Variants in PSAP observed in about 807,000 individuals in gnomAD.
The protein encoded by PSAP is precursor of saposins.
PSAP carries 25 observed loss-of-function variants against 66.0 expected under a neutral mutation model. The observed-to-expected ratio is 0.38, with a 90% confidence interval of 0.28 to 0.53. The LOEUF (loss-of-function observed/expected upper bound fraction) is 0.53. Among genes scored for constraint, PSAP ranks in the 20% least tolerant of loss-of-function variants. PSAP has a pLI of 0.83. For missense variants in PSAP, 649 were observed against 668.8 expected, an observed-to-expected ratio of 0.97 and a Z score of 0.33; for synonymous variants, 273 against 258.9, an observed-to-expected ratio of 1.05 and a Z score of -0.52.
At chr10:71,829,526 C>G (rs551957463) in intron 4 of PSAP, among the ~76,000 whole-genome samples, 1 of 152,198 alleles carries the variant, frequency 6.6e-6, no homozygotes, top group African/African-American at 2.4e-5. Context: ...TGGCTTTGCT[C>G]CTCCTTCACC....
chr10:71,837,343 C>A (rs1255730411), intron 1 of PSAP, among the ~76,000 whole-genome samples: 1 of 152,224 alleles, frequency 6.6e-6, no homozygotes, highest in Non-Finnish European at 1.5e-5. Context: ...GAGCTCCCAG[C>A]CGCCAAGAGG....
intron 13 of PSAP, 105 bp from the exon 14 acceptor site, chr10:71,817,581 C>G (rs1842197052): frequency 9.1e-7 from 1 of 1,101,050 alleles, no homozygotes; most frequent in African/African-American, 1.5e-5. Context: ...TTCTCTTGTC[C>G]TAGGTCAGCT....
intron 1 of PSAP, among the ~76,000 whole-genome samples, chr10:71,843,889 A>T (rs1183285862): frequency 6.6e-6 from 1 of 152,232 alleles, no homozygotes; most frequent in East Asian, 1.9e-4. Context: ...TACCATGGTT[A>T]TACAACACGT....
In PSAP at chr10:71,845,444, C is replaced by T. The variant is rs577861737; in HGVS notation, c.40+5738G>A. On this transcript the variant is annotated intron_variant, in intron 1 of 13. Transcript: ENST00000394936. ...AAATGTTTCACAATTTAAGGAGCAA[C>T]AAGCAAAACAGTCAGTAGAATATAC... 1.2e-4 allele frequency among the ~76,000 whole-genome samples: 19 copies of T among 152,198 alleles called. No individual in the cohort carries two copies. The South Asian group carries it at 3.9e-3, about 32-fold the overall frequency.
At chr10:71,833,760 C>A (rs117569495) in intron 2 of PSAP, among the ~76,000 whole-genome samples, 7,647 of 152,222 alleles carry the variant, frequency 0.05, 239 homozygotes, top group Admixed American at 0.1. Flanking sequence ...TTAGACCATG[C>A]CCCACATTAA....
intron 1 of PSAP, among the ~76,000 whole-genome samples, chr10:71,848,346 G>C (rs1842859306): frequency 6.6e-6 from 1 of 152,182 alleles, no homozygotes; most frequent in South Asian, 2.1e-4. Flanking sequence ...AGGTCCATGT[G>C]GACAGAGGGA....
chr10:71,839,284 G>A (rs1842684847), intron 1 of PSAP, among the ~76,000 whole-genome samples: 1 of 152,042 alleles, frequency 6.6e-6, no homozygotes, highest in Non-Finnish European at 1.5e-5. Flanking sequence ...TTGTCGCCCA[G>A]GCTGGAGTGC....
In PSAP at chr10:71,850,277, G is replaced by C. The variant is rs974588529; in HGVS notation, c.40+905C>G. Among the ~76,000 whole-genome samples, 36 of 152,032 alleles carry C rather than the reference G, an allele frequency of 2.4e-4. 1 individual carries two copies. The highest frequency in any genetic ancestry group is 8.8e-5 in the Non-Finnish European group (6 of 68,034). ...TTACAACGTGCTCGCTCTCTTAGTC[G>C]GCTACCTGAGAGCTTCCTCTGCACA... is the stretch of plus-strand genomic sequence containing the variant. On this transcript the variant is annotated intron_variant, in intron 1 of 13. Transcript: ENST00000394936.
chr10:71,824,511 G>A (rs1311994943), intron 7 of PSAP, among the ~76,000 whole-genome samples: 2 of 152,212 alleles, frequency 1.3e-5, no homozygotes, highest in African/African-American at 4.8e-5. Flanking sequence ...GTATGCATTT[G>A]GCTATAAGGA....
chr10:71,820,132 C>G (rs1451562674), intron 9 of PSAP, 108 bp downstream of exon 9: 1 of 1,074,626 alleles, frequency 9.3e-7, no homozygotes, highest in Non-Finnish European at 1.4e-6. Context: ...CATGGCTGTA[C>G]ACATGTCAAG....
At chr10:71,834,282 G>C in intron 2 of PSAP, 90 bp downstream of exon 2, 2 of 1,592,922 alleles carry the variant, frequency 1.3e-6, no homozygotes, top group Non-Finnish European at 8.5e-7. Flanking sequence ...GCAAGAAAAA[G>C]TGCTCTGTCA....
At position 71,817,849 on chromosome 10, in the gene PSAP, G is replaced by C. The variant is rs191275122; in HGVS notation, c.1540-373C>G. Among the ~76,000 whole-genome samples the C allele has an allele frequency of 1.1e-4, 17 of 152,330 alleles. 1 individual carries two copies. The highest frequency in any genetic ancestry group is 6.2e-4 in the South Asian group (3 of 4,826). ...CCTGAGTTAGGCTACACACCAGCTC[G>C]GGCCTTGAGAAGCAGGCCCACATTT... On this transcript the variant is annotated intron_variant, in intron 13 of 13. Transcript: ENST00000394936.
At chr10:71,846,788 C>T (rs904648287) in intron 1 of PSAP, among the ~76,000 whole-genome samples, 1 of 146,368 alleles carries the variant, frequency 6.8e-6, no homozygotes, top group Non-Finnish European at 1.5e-5. Context: ...CTAATTAGTA[C>T]TCTCTTTCAT....
chr10:71,835,220 A>G (rs779042157), intron 1 of PSAP, among the ~76,000 whole-genome samples: 3 of 16,966 alleles, frequency 1.8e-4, no homozygotes, highest in Admixed American at 8.4e-4. Context: ...CCGTTTCAAA[A>G]AATAAATAAA....
intron 8 of PSAP, among the ~76,000 whole-genome samples, chr10:71,821,461 T>C (rs1243523573): frequency 6.6e-6 from 1 of 152,186 alleles, no homozygotes; most frequent in African/African-American, 2.4e-5. Flanking sequence ...ATGTACTTAG[T>C]ATACAGGCTG....
intron 1 of PSAP, among the ~76,000 whole-genome samples, chr10:71,846,001 G>A (rs2133068122): frequency 6.6e-6 from 1 of 152,280 alleles, no homozygotes; most frequent in Admixed American, 6.5e-5. Context: ...GACGCCAAAG[G>A]AAATCACAAA....
chr10:71,833,042 A>AAAAAAAAAAAAAAAAG (rs1842552155), intron 2 of PSAP, among the ~76,000 whole-genome samples: 1 of 148,090 alleles, frequency 6.8e-6, no homozygotes, highest in Non-Finnish European at 1.5e-5. Flanking sequence ...CAAAAAACAA[A>AAAAAAAAAAAAAAAAG]AACAGAAGGC....
At position 71,825,662 on chromosome 10, in the gene PSAP, G is replaced by A. The variant is rs1842388020; in HGVS notation, c.777+175C>T. On this transcript the variant is annotated intron_variant, in intron 7 of 13. Transcript: ENST00000394936. ...CTTCAGCCTGCCTCTCCCGTAACAG[G>A]GGAGGTACTGAGATTGCAAGTGGAG... 8.5e-6 allele frequency: 6 copies of A among 704,062 alleles called. No individual in the cohort carries two copies. In the South Asian group the frequency reaches 9.0e-5, roughly 11 times the overall value. The allele number at this position is 704,062 out of a possible 1,614,324, so 43.6% of individuals were successfully genotyped here.
intron 7 of PSAP, among the ~76,000 whole-genome samples, chr10:71,823,564 C>T (rs1271916771): frequency 6.6e-6 from 1 of 152,206 alleles, no homozygotes; most frequent in South Asian, 2.1e-4. Context: ...GAGGCACCTC[C>T]TGGGCCACCC....
Sources: gnomAD v4.1 joint callset for allele counts (sites outside exome capture counted in the v4.1 genomes callset) on GRCh38, gnomAD v4.1.1 for gene constraint, MANE v1.5 for transcripts, NCBI Gene and HGNC (gene_info 2026-07-23, HGNC 2026-07-21) for gene names.